Variants in METTL15 observed in about 807,000 individuals in gnomAD.
METTL15 encodes methyltransferase 15, mitochondrial 12S rRNA N4-cytidine, also known as 12S rRNA N(4)-cytidine methyltransferase METTL15.
A neutral mutation model predicts 38.3 loss-of-function variants in METTL15; 34 were observed. That is an observed-to-expected ratio of 0.89 (90% confidence interval 0.68 to 1.18). The LOEUF is 1.18. Ranked by LOEUF, METTL15 falls within the 50% of genes most tolerant of loss-of-function variation. The pLI, the probability that METTL15 is intolerant of heterozygous loss-of-function variation, is 0.00. For synonymous variants in METTL15, 162 were observed against 170.9 expected, an observed-to-expected ratio of 0.95 and a Z score of 0.41; for missense variants, 438 against 498.4, an observed-to-expected ratio of 0.88 and a Z score of 1.15.
At chr11:28,176,942 A>G (rs1288909396) in intron 3 of METTL15, among the ~76,000 whole-genome samples, 1 of 152,114 alleles carries the variant, frequency 6.6e-6, no homozygotes, top group African/African-American at 2.4e-5. Flanking sequence ...TCAAAAGTCT[A>G]AACTTTTCAA....
chr11:28,292,629 G>T (rs573907270), intron 5 of METTL15, among the ~76,000 whole-genome samples: 1 of 152,048 alleles, frequency 6.6e-6, no homozygotes, highest in Non-Finnish European at 1.5e-5. Context: ...CTGAGGAATC[G>T]CCACACTGAC....
chr11:28,357,887 G>T (rs1261856501), intron 4 of METTL15, among the ~76,000 whole-genome samples: 2 of 152,064 alleles, frequency 1.3e-5, no homozygotes, highest in Non-Finnish European at 2.9e-5. Flanking sequence ...AACGAGAGAA[G>T]AACAATGTAA....
At chr11:28,342,019 G>T (rs1590339465) in intron 3 of METTL15, among the ~76,000 whole-genome samples, 6 of 152,124 alleles carry the variant, frequency 3.9e-5, no homozygotes, top group Admixed American at 3.9e-4. Flanking sequence ...TGAGAAAAGG[G>T]GATTTCTTGG....
chr11:28,494,508 C>T (rs776031918), intron 6 of METTL15, among the ~76,000 whole-genome samples: 18 of 152,202 alleles, frequency 1.2e-4, no homozygotes, highest in South Asian at 4.2e-4. Flanking sequence ...TTGAGCAAGT[C>T]GCCTTACCTC....
At chr11:28,505,198 T>A (rs1391835182) in intron 6 of METTL15, among the ~76,000 whole-genome samples, 1 of 150,940 alleles carries the variant, frequency 6.6e-6, no homozygotes, top group South Asian at 2.1e-4. Flanking sequence ...GTGTTTTTTT[T>A]AACATAGAGA....
chr11:28,230,726 C>T (rs1246737152), intron 4 of METTL15, among the ~76,000 whole-genome samples: 1 of 151,776 alleles, frequency 6.6e-6, no homozygotes, highest in East Asian at 1.9e-4. Flanking sequence ...CTCGACACCC[C>T]CCATTTTTGC....
At chr11:28,221,185 C>G (rs1853198904) in intron 4 of METTL15, among the ~76,000 whole-genome samples, 2 of 152,202 alleles carry the variant, frequency 1.3e-5, no homozygotes, top group African/African-American at 4.8e-5. Context: ...CTCCCCATCA[C>G]TTTCAGGTAC....
intron 6 of METTL15, among the ~76,000 whole-genome samples, chr11:28,471,777 G>A (rs1223101609): frequency 1.6e-4 from 25 of 151,834 alleles, no homozygotes. Context: ...GTTTCCAGCT[G>A]GTAGATTATA....
intron 4 of METTL15, among the ~76,000 whole-genome samples, chr11:28,272,704 A>C (rs1312132486): frequency 6.6e-6 from 1 of 152,204 alleles, no homozygotes; most frequent in Non-Finnish European, 1.5e-5. Flanking sequence ...GTATCCCAGA[A>C]CTTAAAGTTT....
intron 3 of METTL15, among the ~76,000 whole-genome samples, chr11:28,208,455 T>A (rs766197684): frequency 4.6e-5 from 7 of 152,184 alleles, no homozygotes; most frequent in Non-Finnish European, 5.9e-5. Flanking sequence ...TCTAGTTTGA[T>A]TGCACTGTGG....
intron 5 of METTL15, among the ~76,000 whole-genome samples, chr11:28,395,640 G>T (rs1850560049): frequency 6.6e-6 from 1 of 152,096 alleles, no homozygotes; most frequent in South Asian, 2.1e-4. Flanking sequence ...GGACCAGAAG[G>T]ATTCACAGCC....
intron 5 of METTL15, among the ~76,000 whole-genome samples, chr11:28,405,664 A>G (rs539449731): frequency 6.6e-6 from 1 of 152,150 alleles, no homozygotes; most frequent in East Asian, 1.9e-4. Flanking sequence ...TAAAATCACT[A>G]TACCTCAGAA....
chr11:28,204,957 T>G (rs554294634), intron 3 of METTL15, among the ~76,000 whole-genome samples: 11 of 152,108 alleles, frequency 7.2e-5, no homozygotes, highest in East Asian at 1.9e-4. Flanking sequence ...CCATGTGTCT[T>G]TGGAGCACAA....
chr11:28,124,985 T>TCA (rs1300316655), intron 3 of METTL15, among the ~76,000 whole-genome samples: 1 of 152,070 alleles, frequency 6.6e-6, no homozygotes, highest in Non-Finnish European at 1.5e-5. Context: ...ATTACCGAAA[T>TCA]AGTGAACTAC....
chr11:28,460,253 T>A (rs1851203419), intron 6 of METTL15, among the ~76,000 whole-genome samples: 1 of 152,112 alleles, frequency 6.6e-6, no homozygotes, highest in African/African-American at 2.4e-5. Flanking sequence ...GTCTTACTTG[T>A]AATGGACATT....
chr11:28,503,911 T>C lies in METTL15; in HGVS notation c.*425-22567T>C, dbSNP rs536921484. Among the ~76,000 whole-genome samples the C allele has an allele frequency of 2.1e-4, 32 of 150,626 alleles. No homozygotes were observed. In the East Asian group the frequency reaches 6.0e-3, roughly 28 times the overall value. On this transcript the variant is annotated intron_variant and NMD_transcript_variant, in intron 6 of 7. Coordinates refer to the METTL15 transcript ENST00000532947. ...ATTAGCTAGATTAAGAATTGCAAAC[T>C]TAGGCTGGGTGCAGTGGCTCACACC...
At chr11:28,384,074 C>G (rs1407364431) in intron 5 of METTL15, among the ~76,000 whole-genome samples, 2 of 152,170 alleles carry the variant, frequency 1.3e-5, no homozygotes, top group East Asian at 3.9e-4. Flanking sequence ...AGTTTTCTAT[C>G]ACTGTGTTAG....
chr11:28,193,272 AG>A (rs1047252129), intron 3 of METTL15, among the ~76,000 whole-genome samples: 1 of 152,132 alleles, frequency 6.6e-6, no homozygotes, highest in Admixed American at 6.6e-5. Flanking sequence ...AAAGAAAAGA[AG>A]TTCTTTTGGC....
chr11:28,523,992 T>C (rs1226714327), intron 6 of METTL15, among the ~76,000 whole-genome samples: 1 of 152,182 alleles, frequency 6.6e-6, no homozygotes, highest in Non-Finnish European at 1.5e-5. Context: ...ACAGGATAGA[T>C]CCCTAAAATG....
Sources: gnomAD v4.1 joint callset for allele counts (sites outside exome capture counted in the v4.1 genomes callset) on GRCh38, gnomAD v4.1.1 for gene constraint, MANE v1.5 for transcripts, NCBI Gene and HGNC (gene_info 2026-07-23, HGNC 2026-07-21) for gene names.